The following SLC22A15 variants were observed in gnomAD, a reference collection of about 807,000 sequenced individuals.
SLC22A15 encodes the protein flipt 1.
SLC22A15 carries 45 observed loss-of-function variants against 62.7 expected under a neutral mutation model. The observed-to-expected ratio is 0.72, with a 90% CI of 0.56 to 0.92. SLC22A15 has a LOEUF of 0.92. Ranked by LOEUF, SLC22A15 falls within the 40% of genes least tolerant of loss-of-function variation. The pLI is 0.00. For missense variants in SLC22A15, 622 were observed against 665.6 expected, an observed-to-expected ratio of 0.93 and a Z score of 0.72; for synonymous variants, 264 against 267.0, an observed-to-expected ratio of 0.99 and a Z score of 0.11.
chr1:115,976,900 G>C (rs372961621), intron 1 of SLC22A15, among the ~76,000 whole-genome samples, 186 bp downstream of exon 1: 3 of 152,154 alleles, frequency 2.0e-5, no homozygotes, highest in Middle Eastern at 3.4e-3. Context: ...GGCCGGCAGC[G>C]TCAAGGTCGC....
At chr1:116,027,051 A>G in intron 5 of SLC22A15, 29 bp downstream of exon 5, 2 of 1,607,450 alleles carry the variant, frequency 1.2e-6, no homozygotes, top group Middle Eastern at 3.3e-4. Context: ...TAGAGTTTTA[A>G]TTTAAAAAGC....
intron 6 of SLC22A15, among the ~76,000 whole-genome samples, chr1:116,033,325 A>G (rs1433286994): frequency 6.6e-6 from 1 of 152,170 alleles, no homozygotes; most frequent in East Asian, 1.9e-4. Flanking sequence ...CATAAAGAGG[A>G]TTGAAATGAT....
At chr1:116,051,767 C>T (rs559924271) in intron 8 of SLC22A15, among the ~76,000 whole-genome samples, 7 of 152,276 alleles carry the variant, frequency 4.6e-5, no homozygotes, top group South Asian at 4.1e-4. Context: ...AGCAGCTGCT[C>T]GAGGTCCACA....
chr1:116,057,267 A>C (rs977817137), intron 8 of SLC22A15, among the ~76,000 whole-genome samples: 1 of 152,148 alleles, frequency 6.6e-6, no homozygotes, highest in African/African-American at 2.4e-5. Flanking sequence ...GACACTTCTC[A>C]AAAGAAGACA....
intron 2 of SLC22A15, among the ~76,000 whole-genome samples, chr1:116,014,282 A>G (rs1220586692): frequency 1.3e-5 from 2 of 151,952 alleles, no homozygotes; most frequent in African/African-American, 4.8e-5. Context: ...TTCATCTTTT[A>G]TGTTAGAGGC....
At chr1:116,063,311 T>A (rs958186827) in intron 9 of SLC22A15, among the ~76,000 whole-genome samples, 4 of 152,150 alleles carry the variant, frequency 2.6e-5, no homozygotes, top group African/African-American at 9.7e-5. Flanking sequence ...TAGTAATAAG[T>A]GAATATCAGA....
intron 2 of SLC22A15, among the ~76,000 whole-genome samples, chr1:115,995,147 A>G (rs1655358287): frequency 1.3e-5 from 2 of 152,224 alleles, no homozygotes; most frequent in African/African-American, 2.4e-5. Context: ...TCAGGGTATC[A>G]TATCAAAAGA....
intron 8 of SLC22A15, among the ~76,000 whole-genome samples, chr1:116,043,991 A>T (rs1389800156): frequency 6.6e-6 from 1 of 152,256 alleles, no homozygotes; most frequent in Admixed American, 6.5e-5. Flanking sequence ...TTCTAGGCCC[A>T]GATGGCTTTA....
intron 8 of SLC22A15, among the ~76,000 whole-genome samples, chr1:116,039,376 T>C (rs574918153): frequency 6.6e-6 from 1 of 151,930 alleles, no homozygotes; most frequent in Non-Finnish European, 1.5e-5. Flanking sequence ...CTACTAAAAA[T>C]ACAAAAATTA....
At chr1:116,006,992 C>T (rs979444672) in intron 2 of SLC22A15, among the ~76,000 whole-genome samples, 7 of 152,102 alleles carry the variant, frequency 4.6e-5, no homozygotes, top group African/African-American at 1.4e-4. Flanking sequence ...CACTGAGATG[C>T]GTAGACTGGG....
intron 1 of SLC22A15, among the ~76,000 whole-genome samples, chr1:115,982,500 A>T (rs957523826): frequency 6.6e-6 from 1 of 152,192 alleles, no homozygotes; most frequent in Non-Finnish European, 1.5e-5. Flanking sequence ...GAACAACTAC[A>T]TATTTTTTAG....
At chr1:116,010,483 G>A (rs1459368166) in intron 2 of SLC22A15, among the ~76,000 whole-genome samples, 1 of 152,072 alleles carries the variant, frequency 6.6e-6, no homozygotes, top group Non-Finnish European at 1.5e-5. Context: ...CACCCATTAA[G>A]TGGTAATTCA....
intron 1 of SLC22A15, among the ~76,000 whole-genome samples, chr1:115,990,285 A>G (rs1260095350): frequency 6.6e-6 from 1 of 152,250 alleles, no homozygotes; most frequent in Non-Finnish European, 1.5e-5. Context: ...TTTAGAAAAC[A>G]TGACGAGTTT....
intron 2 of SLC22A15, among the ~76,000 whole-genome samples, chr1:115,996,998 G>A (rs1655462039): frequency 6.6e-6 from 1 of 151,766 alleles, no homozygotes; most frequent in African/African-American, 2.4e-5. Flanking sequence ...AGCATGTCTA[G>A]CACTGTGCTG....
At chr1:116,043,641 G>A (rs1005502313) in intron 8 of SLC22A15, among the ~76,000 whole-genome samples, 1 of 151,542 alleles carries the variant, frequency 6.6e-6, no homozygotes, top group Non-Finnish European at 1.5e-5. Flanking sequence ...AAATATAAAA[G>A]CAAAAAAATC....
intron 8 of SLC22A15, among the ~76,000 whole-genome samples, chr1:116,039,146 C>T (rs1324542047): frequency 6.6e-6 from 1 of 152,210 alleles, no homozygotes; most frequent in African/African-American, 2.4e-5. Context: ...GAATAAGAAA[C>T]AGCGTAGCAG....
At chr1:116,049,087 T>C (rs988899804) in intron 8 of SLC22A15, among the ~76,000 whole-genome samples, 3 of 152,148 alleles carry the variant, frequency 2.0e-5, no homozygotes, top group Non-Finnish European at 2.9e-5. Context: ...ACTAGAGCTC[T>C]CAAATTTATA....
intron 8 of SLC22A15, among the ~76,000 whole-genome samples, chr1:116,039,778 A>G (rs905831602): frequency 2.6e-5 from 4 of 152,104 alleles, no homozygotes; most frequent in African/African-American, 9.7e-5. Context: ...CTTCTTTCAG[A>G]TAAATAGTAA....
At chr1:115,976,782 G>T in intron 1 of SLC22A15, 68 bp downstream of exon 1, 1 of 1,259,428 alleles carries the variant, frequency 7.9e-7, no homozygotes, top group Non-Finnish European at 1.1e-6. Context: ...CTAGGCGTCC[G>T]CTCCCAGACC....
Sources: allele counts gnomAD v4.1 joint callset (sites outside exome capture counted in the v4.1 genomes callset), GRCh38; gene constraint gnomAD v4.1.1; transcripts MANE v1.5; gene names NCBI Gene and HGNC (gene_info 2026-07-23, HGNC 2026-07-21).